Variants in TMED3 observed in about 807,000 individuals in gnomAD.
The protein encoded by TMED3 is transmembrane emp24 domain-containing protein 3.
In TMED3, 9 loss-of-function variants were observed where a neutral mutation model predicts 15.0. The observed-to-expected ratio is 0.60, with a 90% confidence interval of 0.36 to 1.04. The LOEUF is 1.04. TMED3 is among the 50% of genes least tolerant of loss of function. The pLI is 0.01. For synonymous variants in TMED3, 117 were observed against 121.4 expected, an observed-to-expected ratio of 0.96 and a Z score of 0.24; for missense variants, 267 against 278.9, an observed-to-expected ratio of 0.96 and a Z score of 0.30.
chr15:79,379,580 G>A (rs1423227096), intron 2 of TMED3, among the ~76,000 whole-genome samples: 1 of 152,176 alleles, frequency 6.6e-6, no homozygotes, highest in African/African-American at 2.4e-5. Context: ...GCGATGTAAA[G>A]TGTGGCTAAA....
chr15:79,381,766 CTG>C (rs1021852196), intron 2 of TMED3, among the ~76,000 whole-genome samples: 2 of 152,204 alleles, frequency 1.3e-5, no homozygotes, highest in African/African-American at 4.8e-5. Context: ...GTTTAAAAGG[CTG>C]TGTGTCCTGT....
chr15:79,349,224 A>G (rs2058882337), intron 2 of TMED3, among the ~76,000 whole-genome samples: 1 of 152,234 alleles, frequency 6.6e-6, no homozygotes, highest in African/African-American at 2.4e-5. Context: ...CACGACAAAA[A>G]TGATAACTGT....
Position 79,352,316 on chromosome 15 carries a change from AG to A in TMED3, c.417+38313del, listed in dbSNP as rs535073266. Reference sequence around the variant, plus strand: ...TTCATCCCCAGAAGGCACCCATGAAAGGTCAGCATTTGAATCATGCTCTGGT... The same window carrying A: ...TTCATCCCCAGAAGGCACCCATGAAAGTCAGCATTTGAATCATGCTCTGGT... On this transcript the variant is annotated intron_variant, in intron 2 of 2. Transcript: ENST00000424155. Among the ~76,000 whole-genome samples the A allele has an allele frequency of 3.0e-4, 46 of 152,264 alleles. No individual in the cohort carries two copies. In the South Asian group the frequency reaches 9.5e-3, roughly 32 times the overall value.
chr15:79,386,773 T>C (rs1043714874), intron 2 of TMED3, among the ~76,000 whole-genome samples: 1 of 148,976 alleles, frequency 6.7e-6, no homozygotes, highest in Non-Finnish European at 1.5e-5. Flanking sequence ...GGTCTTGATC[T>C]CCTGACCTCA....
In TMED3 at chr15:79,322,134, G is replaced by C; in HGVS notation, c.574G>C (p.Val192Leu). ...WSVGETIALF[V>L]VSFSQVLLLK... ...TGTTGGCGAGACGATTGCCCTGTTCGTGGTCAGCTTCAGTCAGGTGCTACT... is the reference window on the plus strand; with the variant it reads ...TGTTGGCGAGACGATTGCCCTGTTCCTGGTCAGCTTCAGTCAGGTGCTACT... The change falls in exon 3 of 3, where the codon GTG becomes CTG. Residue 192 changes from valine (V) to leucine (L), a missense_variant. Transcript: ENST00000299705. 1.9e-6 allele frequency: 3 copies of C among 1,614,230 alleles called. No individual in the cohort carries two copies. The highest frequency in any genetic ancestry group is 8.5e-7 in the Non-Finnish European group (1 of 1,180,048).
downstream of TMED3, among the ~76,000 whole-genome samples, chr15:79,326,962 G>C (rs2058789724): frequency 6.6e-6 from 1 of 152,198 alleles, no homozygotes. Flanking sequence ...AGAAGGCAAA[G>C]GGAAGCCAGT....
At position 79,311,474 on chromosome 15, in the gene TMED3, G is replaced by T. The variant is rs1304669259; in HGVS notation, c.168+57G>T. On this transcript the variant is annotated intron_variant, in intron 1 of 2. Coordinates refer to ENST00000299705, the MANE Select transcript of TMED3 (RefSeq NM_007364.4). ...TCCCTCCACTCCCAGGTCTCACCTGGACACTGGCTAGCCCCTGACTGGAGG... is the reference window on the plus strand; with the variant it reads ...TCCCTCCACTCCCAGGTCTCACCTGTACACTGGCTAGCCCCTGACTGGAGG... 6 of 1,546,292 alleles carry T rather than the reference G, an allele frequency of 3.9e-6. No homozygotes were observed. In the African/African-American group the frequency reaches 5.5e-5, roughly 14 times the overall value.
intron 2 of TMED3, among the ~76,000 whole-genome samples, chr15:79,366,724 C>T (rs543293658): frequency 6.6e-6 from 1 of 152,172 alleles, no homozygotes; most frequent in Non-Finnish European, 1.5e-5. Context: ...CTCGTGGTGG[C>T]AGCTACTTGA....
chr15:79,389,389 C>G (rs1198358561), intron 2 of TMED3, among the ~76,000 whole-genome samples: 2 of 152,080 alleles, frequency 1.3e-5, no homozygotes, highest in African/African-American at 4.8e-5. Flanking sequence ...TGTCGAAGAT[C>G]AGTTGTCTGT....
chr15:79,363,884 G>A (rs1893179157), intron 2 of TMED3, among the ~76,000 whole-genome samples: 1 of 152,088 alleles, frequency 6.6e-6, no homozygotes, highest in Non-Finnish European at 1.5e-5. Context: ...AAGGAGAATC[G>A]GGAGGCTCAT....
At chr15:79,323,568 T>A (rs902087059), downstream of TMED3, among the ~76,000 whole-genome samples, 1 of 152,224 alleles carries the variant, frequency 6.6e-6, no homozygotes, top group Non-Finnish European at 1.5e-5. Flanking sequence ...AATCCTATGC[T>A]CCTGCTACCT....
intron 2 of TMED3, among the ~76,000 whole-genome samples, chr15:79,363,402 C>G (rs1450230297): frequency 1.3e-5 from 2 of 151,024 alleles, no homozygotes; most frequent in Admixed American, 1.3e-4. Context: ...AGGAAAAATC[C>G]TTGCATACTG....
intron 2 of TMED3, among the ~76,000 whole-genome samples, chr15:79,373,882 A>G (rs925654753): frequency 6.6e-6 from 1 of 152,220 alleles, no homozygotes; most frequent in Non-Finnish European, 1.5e-5. Context: ...CAGTTGGTTG[A>G]AAGGATTAAG....
intron 2 of TMED3, among the ~76,000 whole-genome samples, chr15:79,317,401 A>G (rs1261944180): frequency 6.6e-6 from 1 of 152,140 alleles, no homozygotes; most frequent in East Asian, 1.9e-4. Flanking sequence ...GATGCTGACC[A>G]GTACTGCTGA....
chr15:79,353,697 T>C (rs2141236310), intron 2 of TMED3, among the ~76,000 whole-genome samples: 1 of 151,942 alleles, frequency 6.6e-6, no homozygotes, highest in Admixed American at 6.6e-5. Context: ...TTGGTAGGTT[T>C]TGTGTTGTAT....
intron 2 of TMED3, among the ~76,000 whole-genome samples, chr15:79,376,104 T>G (rs1223990558): frequency 4.7e-4 from 2 of 4,276 alleles, no homozygotes; most frequent in African/African-American, 5.6e-4. Context: ...TTTTTTTTTT[T>G]TTTTTTTTTT....
chr15:79,372,717 T>G (rs1893362317), intron 2 of TMED3, among the ~76,000 whole-genome samples: 1 of 152,164 alleles, frequency 6.6e-6, no homozygotes, highest in Non-Finnish European at 1.5e-5. Context: ...CCATGACACA[T>G]GGGGATTATG....
intron 2 of TMED3, among the ~76,000 whole-genome samples, chr15:79,331,916 A>T (rs1391616199): frequency 6.6e-6 from 1 of 152,156 alleles, no homozygotes; most frequent in Admixed American, 6.5e-5. Flanking sequence ...ACTGGTGAGG[A>T]TGCAGAGAAA....
At chr15:79,375,374 G>T (rs1893406447) in intron 2 of TMED3, among the ~76,000 whole-genome samples, 1 of 152,156 alleles carries the variant, frequency 6.6e-6, no homozygotes, top group African/African-American at 2.4e-5. Context: ...TGTGATGGTT[G>T]GGAAATGAGA....
Sources: gnomAD v4.1 joint callset for allele counts (sites outside exome capture counted in the v4.1 genomes callset) on GRCh38, gnomAD v4.1.1 for gene constraint, MANE v1.5 for transcripts, NCBI Gene and HGNC (gene_info 2026-07-23, HGNC 2026-07-21) for gene names.